SPEG: variants seen among roughly 807,000 people sequenced by gnomAD.
The protein encoded by SPEG is striated muscle enriched protein kinase.
Under a neutral mutation model 300.4 loss-of-function variants are expected in SPEG, and 114 were observed. The observed-to-expected ratio is 0.38, with a 90% CI of 0.33 to 0.44. The LOEUF (loss-of-function observed/expected upper bound fraction) is 0.44, where lower values mean the gene tolerates loss of function less well. Among genes scored for constraint, SPEG ranks in the 20% least tolerant of loss-of-function variants. SPEG has a pLI of 1.00. For synonymous variants in SPEG, 1,964 were observed against 2,018.9 expected (o/e 0.97, Z 0.73); for missense variants, 4,201 against 4,586.2 (o/e 0.92, Z 2.43).
intron 4 of SPEG, among the ~76,000 whole-genome samples, chr2:219,449,990 G>C (rs1689621825): frequency 6.6e-6 from 1 of 152,120 alleles, no homozygotes; most frequent in East Asian, 1.9e-4. Context: ...CTCCTGGAGA[G>C]AGGCAGAGGA....
chr2:219,442,509 C>G (rs1481888946), intron 1 of SPEG, among the ~76,000 whole-genome samples: 1 of 150,558 alleles, frequency 6.6e-6, no homozygotes, highest in Non-Finnish European at 1.5e-5. Context: ...GCAACGCACA[C>G]GGATCCGCGC....
chr2:219,482,982 GC>G (rs1172920206), intron 29 of SPEG, 115 bp from the exon 30 acceptor site: 14 of 1,420,432 alleles, frequency 9.9e-6, no homozygotes, highest in Non-Finnish European at 1.3e-5. Flanking sequence ...CTAGCTTCCT[GC>G]CTGTTCCCTG....
intron 6 of SPEG, chr2:219,460,665 C>CCTCCCCT (rs1690592734): frequency 1.0e-6 from 1 of 983,602 alleles, no homozygotes; most frequent in Non-Finnish European, 1.2e-6. Context: ...CTCCGCCCTC[C>CCTCCCCT]CTCCCCTCTC....
intron 1 of SPEG, among the ~76,000 whole-genome samples, chr2:219,437,765 A>T (rs948819576): frequency 2.0e-5 from 3 of 151,992 alleles, no homozygotes. Flanking sequence ...CTGGCTTCCT[A>T]TCCCTTCTGT....
chr2:219,479,167 G>A lies in SPEG; in HGVS notation c.5051G>A (p.Arg1684Gln), dbSNP rs758492460. Residue 1684 changes from arginine to glutamine, a missense_variant, in exon 23 of 41, where the codon CGA becomes CAA. Arg to Gln is a conservative substitution (Grantham distance 43, BLOSUM62 1). Coordinates refer to ENST00000312358, the MANE Select transcript of SPEG (RefSeq NM_005876.5). This position sits in a 1 kb window ranked among gnomAD's most constrained non-coding sequence, Gnocchi z 5.5. ...AGCTGCACAGAGGAGCTGCTGGAGCGAATCGCCAGGAAACCCACCGTGTGT... is the reference window on the plus strand; with the variant it reads ...AGCTGCACAGAGGAGCTGCTGGAGCAAATCGCCAGGAAACCCACCGTGTGT... Reference protein sequence around the residue: ...TELCTEELLERIARKPTVCES... With the variant: ...TELCTEELLEQIARKPTVCES... 3.1e-6 allele frequency: 5 copies of A among 1,613,614 alleles called. No individual in the cohort carries two copies. Among genetic ancestry groups the A allele is most frequent in the Non-Finnish European group, 4.2e-6 (5 of 1,179,982 alleles).
At position 219,448,956 on chromosome 2, in the gene SPEG, C is replaced by G. The variant is rs1441087834; in HGVS notation, c.1798C>G (p.Arg600Gly). Reference protein sequence around the residue: ...VRRRDQFPLTRSRAIQECRSP... With the variant: ...VRRRDQFPLTGSRAIQECRSP... ...GCGTCGGGACCAATTCCCGCTGACC[C>G]GGAGCAGAGCCATCCAGGAGTGCAG... Residue 600 changes from arginine (R) to glycine (G), a missense_variant, in exon 4 of 41, where the codon CGG becomes GGG. By Grantham distance (125) the Arg-to-Gly change is moderately radical. This residue lies in a region of SPEG where 1,258 missense variants were observed against 1,293.9 expected (regional missense o/e 0.97). Coordinates refer to ENST00000312358, the MANE Select transcript of SPEG (RefSeq NM_005876.5). 1 of 1,508,520 alleles carries G rather than the reference C, an allele frequency of 6.6e-7. No individual in the cohort carries two copies. The highest frequency in any genetic ancestry group is 1.5e-5 in the African/African-American group (1 of 68,654). 93.4% of individuals were successfully genotyped at this position (1,508,520 alleles called of 1,614,324 possible). A position where few individuals can be genotyped will look rare whatever the true frequency, so the allele number is the denominator to read the frequency against.
chr2:219,473,915 C>T lies in SPEG; in HGVS notation c.4447+12C>T, dbSNP rs368503318. On this transcript the variant is annotated intron_variant, in intron 18 of 40. Transcript: ENST00000312358. This position sits in a 1 kb window ranked among gnomAD's most constrained non-coding sequence, Gnocchi z 4.6. ...ATTGGAGCTGGCAGGTGGGTGACAG[C>T]GGGCCTTCTTCCTAGCCTCCCTCCA... The T allele has an allele frequency of 1.0e-4, 164 of 1,596,850 alleles. No individual in the cohort carries two copies. The Admixed American group carries it at 1.6e-3, about 15-fold the overall frequency.
chr2:219,471,216 C>T (rs562587201), intron 13 of SPEG, among the ~76,000 whole-genome samples: 1 of 152,258 alleles, frequency 6.6e-6, no homozygotes, highest in East Asian at 1.9e-4. Context: ...TCTTGAAGGA[C>T]AAGGAAGCCT....
Position 219,468,856 on chromosome 2 carries a change from C to T in SPEG, c.3302-3C>T. 6.2e-7 allele frequency: 1 copy of T among 1,610,162 alleles called. No individual in the cohort carries two copies. The highest frequency in any genetic ancestry group is 8.5e-7 in the Non-Finnish European group (1 of 1,177,632). On this transcript the variant is annotated splice_polypyrimidine_tract_variant and splice_region_variant and intron_variant, in intron 11 of 40. Coordinates refer to ENST00000312358, the MANE Select transcript of SPEG (RefSeq NM_005876.5). ...TCTGCATTCCCACCCCTCCTTTCTGCAGGCTGCCCCATGGAGGAGAGTGAG... is the reference window on the plus strand; with the variant it reads ...TCTGCATTCCCACCCCTCCTTTCTGTAGGCTGCCCCATGGAGGAGAGTGAG...
At chr2:219,475,917 C>T (rs771148567) in intron 18 of SPEG, among the ~76,000 whole-genome samples, 4 of 152,086 alleles carry the variant, frequency 2.6e-5, no homozygotes, top group East Asian at 1.9e-4. Flanking sequence ...TGGCCTCCCC[C>T]GTTGTCTGTG....
chr2:219,456,302 A>G (rs1444075820), intron 6 of SPEG, among the ~76,000 whole-genome samples: 2 of 152,260 alleles, frequency 1.3e-5, no homozygotes, highest in East Asian at 1.9e-4. Flanking sequence ...CACCTGTGGC[A>G]TAGTTGCAGA....
At position 219,448,754 on chromosome 2, in the gene SPEG, G is replaced by A; in HGVS notation, c.1596G>A (p.Glu532=). The A allele has an allele frequency of 6.8e-7, 1 of 1,466,598 alleles. No individual in the cohort carries two copies. The allele number at this position is 1,466,598 out of a possible 1,614,324, so 90.8% of individuals were successfully genotyped here. A position where few individuals can be genotyped will look rare whatever the true frequency, so the allele number is the denominator to read the frequency against. Residue 532 remains glutamate (E), a synonymous_variant, in exon 4 of 41, where the codon GAG becomes GAA. Coordinates refer to ENST00000312358, the MANE Select transcript of SPEG (RefSeq NM_005876.5). ...QRAPSPREPG[E]PPLFSRPSTP... ...CCCCATCCCCTCGAGAGCCCGGCGA[G>A]CCCCCGCTCTTCTCTCGGCCCTCCA...
At position 219,477,647 on chromosome 2, in the gene SPEG, T is replaced by G; in HGVS notation, c.4730-42T>G. On this transcript the variant is annotated intron_variant, in intron 20 of 40. Transcript: ENST00000312358. This position sits in a 1 kb window ranked among gnomAD's most constrained non-coding sequence, Gnocchi z 6.4. Reference sequence around the variant, plus strand: ...CTGTCCCAGTCTCTGGCCTGCTTGCTTTCTTCCCCTCCCACCTAACACCAT... The same window carrying G: ...CTGTCCCAGTCTCTGGCCTGCTTGCGTTCTTCCCCTCCCACCTAACACCAT... 1 of 1,507,860 alleles carries G rather than the reference T, an allele frequency of 6.6e-7. No homozygotes were observed. The highest frequency in any genetic ancestry group is 9.0e-7 in the Non-Finnish European group (1 of 1,116,348). 93.4% of individuals were successfully genotyped at this position (1,507,860 alleles called of 1,614,324 possible).
intron 13 of SPEG, 26 bp from the exon 14 acceptor site, chr2:219,471,842 C>T (rs1691902686): frequency 1.9e-6 from 3 of 1,613,354 alleles, no homozygotes; most frequent in East Asian, 4.5e-5. Flanking sequence ...GGCTCAGGCC[C>T]AGTGTCACTG....
At chr2:219,441,528 C>A (rs1268275128) in intron 1 of SPEG, 1 of 470,360 alleles carries the variant, frequency 2.1e-6, no homozygotes, top group South Asian at 1.5e-5. Flanking sequence ...AGTGTGTGTG[C>A]GCGCATGTTT....
rs776304181 is a variant in SPEG, at chr2:219,462,016, C to T, written c.2575C>T (p.Arg859Cys). The change falls in exon 7 of 41, where the codon CGT becomes TGT. Residue 859 changes from arginine (R) to cysteine (C), a missense_variant. Transcript: ENST00000312358. ...GAAGCCCAGTCCCAGCCAGAACCGCCGTTCTTCTGACACTGGCTCCAAGGC... is the reference window on the plus strand; with the variant it reads ...GAAGCCCAGTCCCAGCCAGAACCGCTGTTCTTCTGACACTGGCTCCAAGGC... ...TMKPSPSQNR[R>C]SSDTGSKAPP... is the part of the protein sequence containing the mutation. The T allele has an allele frequency of 1.2e-6, 2 of 1,612,524 alleles. No individual in the cohort carries two copies. Among genetic ancestry groups the T allele is most frequent in the Non-Finnish European group, 1.7e-6 (2 of 1,179,468 alleles).
intron 1 of SPEG, among the ~76,000 whole-genome samples, chr2:219,440,729 C>T (rs1311629746): frequency 6.6e-6 from 1 of 152,162 alleles, no homozygotes; most frequent in African/African-American, 2.4e-5. Flanking sequence ...CTGGCTCCCT[C>T]AATTTATTGG....
At position 219,472,422 on chromosome 2, in the gene SPEG, C is replaced by T. The variant is rs544859568; in HGVS notation, c.3940+91C>T. ...CACCATGGGGGCCAGGCCCCAGAAG[C>T]GGATGGGCAGGGGCAGGAGCTGATG... is the stretch of plus-strand genomic sequence containing the variant. On this transcript the variant is annotated intron_variant, in intron 15 of 40. Transcript: ENST00000312358. The T allele has an allele frequency of 3.5e-5, 40 of 1,145,300 alleles. No individual in the cohort carries two copies. The East Asian group carries it at 6.9e-4, about 20-fold the overall frequency. 70.9% of individuals were successfully genotyped at this position (1,145,300 alleles called of 1,614,324 possible).
Position 219,483,617 on chromosome 2 carries a change from C to A in SPEG, c.6154C>A (p.Arg2052Ser). The A allele has an allele frequency of 6.6e-7, 1 of 1,509,588 alleles. No individual in the cohort carries two copies. The highest frequency in any genetic ancestry group is 2.3e-4 in the Middle Eastern group (1 of 4,286). 93.5% of individuals were successfully genotyped at this position (1,509,588 alleles called of 1,614,324 possible). The change falls in exon 30 of 41, where the codon CGC becomes AGC. Residue 2052 changes from arginine to serine, a missense_variant. Physicochemically the swap from Arg to Ser is moderately radical, Grantham distance 110. This residue lies in a region of SPEG where 1,578 missense variants were observed against 1,506.0 expected (regional missense o/e 1.05). Coordinates refer to ENST00000312358, the MANE Select transcript of SPEG (RefSeq NM_005876.5). ...QRRSPSPGAT[R>S]LARGGLGEGE... is the part of the protein sequence containing the mutation. ...CCGGAGCCCCAGCCCGGGAGCCACC[C>A]GCCTGGCCCGGGGAGGCCTGGGTGA... is the stretch of plus-strand genomic sequence containing the variant.
Sources: gnomAD v4.1 joint callset for allele counts (sites outside exome capture counted in the v4.1 genomes callset) on GRCh38, gnomAD v4.1.1 for gene constraint, gnomAD v4.1.1 regional missense constraint, Gnocchi (gnomAD v3.1) non-coding constraint, MANE v1.5 for transcripts, NCBI Gene and HGNC (gene_info 2026-07-23, HGNC 2026-07-21) for gene names.